Variants in FOXN3 observed in about 807,000 individuals in gnomAD.
The protein encoded by FOXN3 is forkhead box protein N3.
Under a neutral mutation model 38.4 loss-of-function variants are expected in FOXN3, and 7 were observed. The observed-to-expected ratio is 0.18, with a 90% CI of 0.10 to 0.34. The LOEUF (loss-of-function observed/expected upper bound fraction) is 0.34, where lower values mean the gene tolerates loss of function less well. FOXN3 is among the 10% of genes least tolerant of loss of function. The probability of loss-of-function intolerance (pLI) is 1.00; values close to 1 mark genes in which losing one functional copy is unlikely to be tolerated. For missense variants in FOXN3, 456 were observed against 613.4 expected (o/e 0.74, Z 2.71); for synonymous variants, 230 against 242.2 (o/e 0.95, Z 0.47).
At chr14:89,511,246 CTTTTCTTTCTTT>C (rs1399830657) in intron 1 of FOXN3, among the ~76,000 whole-genome samples, 1 of 13,976 alleles carries the variant, frequency 7.2e-5, no homozygotes, top group African/African-American at 1.3e-4. Context: ...CCTTTTCTTT[CTTTTCTTTCTTT>C]CTTTCTTTCT....
intron 3 of FOXN3, chr14:89,290,402 C>A: frequency 2.7e-6 from 1 of 368,650 alleles, no homozygotes; most frequent in South Asian, 2.4e-5. Flanking sequence ...GTACTCTCCC[C>A]ATTACCTGGA....
intron 4 of FOXN3, among the ~76,000 whole-genome samples, chr14:89,251,996 A>G (rs907284621): frequency 9.9e-5 from 15 of 152,254 alleles, no homozygotes; most frequent in African/African-American, 3.4e-4. Flanking sequence ...TTTGGCTGAA[A>G]CAGGGATAGT....
Position 89,163,013 on chromosome 14 carries a change from G to T in FOXN3, c.852-44C>A. On this transcript the variant is annotated intron_variant, in intron 5 of 5. Coordinates refer to ENST00000557258, the MANE Select transcript of FOXN3 (RefSeq NM_005197.4). The surrounding 1 kb of genome is among the most constrained non-coding windows in gnomAD (Gnocchi z 4.3). ...GGGGAGGGACGGGAGACAAAGAAGG[G>T]ACACAGTTAGACGTCCTCAGATGGG... The T allele has an allele frequency of 1.3e-6, 2 of 1,484,030 alleles. No individual in the cohort carries two copies. The highest frequency in any genetic ancestry group is 1.4e-5 in the African/African-American group (1 of 71,558). 91.9% of individuals were successfully genotyped at this position (1,484,030 alleles called of 1,614,324 possible). A position where few individuals can be genotyped will look rare whatever the true frequency, so the allele number is the denominator to read the frequency against.
chr14:89,318,911 G>A (rs991357337), intron 3 of FOXN3, among the ~76,000 whole-genome samples: 3 of 152,208 alleles, frequency 2.0e-5, no homozygotes, highest in Admixed American at 1.3e-4. Context: ...CATCAAAGAC[G>A]GGCTGGAATG....
intron 2 of FOXN3, among the ~76,000 whole-genome samples, chr14:89,378,132 T>C (rs778254499): frequency 5.9e-5 from 9 of 152,114 alleles, no homozygotes; most frequent in Non-Finnish European, 1.3e-4. Context: ...ATAGGGAAGA[T>C]TTCCAGCAAA....
chr14:89,338,872 A>AT (rs1888538057), intron 3 of FOXN3, among the ~76,000 whole-genome samples: 2 of 152,216 alleles, frequency 1.3e-5, no homozygotes, highest in South Asian at 4.1e-4. Context: ...ATTAAAAGAC[A>AT]GTGGCAATGG....
At chr14:89,451,058 A>G (rs1023143357) in intron 1 of FOXN3, among the ~76,000 whole-genome samples, 1 of 152,190 alleles carries the variant, frequency 6.6e-6, no homozygotes, top group Non-Finnish European at 1.5e-5. Flanking sequence ...TGTGGGGCAG[A>G]CCGTGAAGCC....
At chr14:89,236,118 C>T (rs184127507) in intron 4 of FOXN3, among the ~76,000 whole-genome samples, 4 of 152,182 alleles carry the variant, frequency 2.6e-5, no homozygotes, top group Non-Finnish European at 5.9e-5. Flanking sequence ...AGTCACTAGG[C>T]CCCTGGCTCT....
At chr14:89,280,216 A>C (rs1886418057) in intron 4 of FOXN3, among the ~76,000 whole-genome samples, 1 of 152,216 alleles carries the variant, frequency 6.6e-6, no homozygotes, top group South Asian at 2.1e-4. Flanking sequence ...ACCCCAAAGT[A>C]ATTTCTAAAA....
At chr14:89,333,683 C>CA (rs1400732289) in intron 3 of FOXN3, among the ~76,000 whole-genome samples, 1 of 135,588 alleles carries the variant, frequency 7.4e-6, no homozygotes, top group Non-Finnish European at 1.5e-5. Flanking sequence ...AATCGCTTGA[C>CA]AGAGGTTGCA....
rs191753782 is a variant in FOXN3, at chr14:89,553,599, C to T, written c.-15+65429G>A. 2.0e-5 allele frequency among the ~76,000 whole-genome samples: 3 copies of T among 152,256 alleles called. No homozygotes were observed. In the East Asian group the frequency reaches 5.8e-4, roughly 29 times the overall value. On this transcript the variant is annotated intron_variant, in intron 1 of 6. Coordinates refer to the FOXN3 transcript ENST00000345097. Reference sequence around the variant, plus strand: ...TGACACCCCAATTAGGATCCTCAGCCCCTTGAACAGCTATGTAATTACCCT... The same window carrying T: ...TGACACCCCAATTAGGATCCTCAGCTCCTTGAACAGCTATGTAATTACCCT...
At chr14:89,200,709 G>A (rs78265527) in intron 4 of FOXN3, among the ~76,000 whole-genome samples, 102 of 152,262 alleles carry the variant, frequency 6.7e-4, no homozygotes, top group African/African-American at 2.2e-3. Flanking sequence ...TCACATTGCC[G>A]TCACATTCCC....
At chr14:89,534,313 C>A (rs1186395088) in intron 1 of FOXN3, among the ~76,000 whole-genome samples, 1 of 151,896 alleles carries the variant, frequency 6.6e-6, no homozygotes, top group Non-Finnish European at 1.5e-5. Context: ...CCATGTTGGC[C>A]AGGCTGGTCT....
chr14:89,399,644 C>G (rs1285366166), intron 2 of FOXN3, among the ~76,000 whole-genome samples: 1 of 152,174 alleles, frequency 6.6e-6, no homozygotes, highest in Non-Finnish European at 1.5e-5. Context: ...TAATCTATTT[C>G]AACTGACAGC....
At chr14:89,205,792 C>T (rs917260150) in intron 4 of FOXN3, among the ~76,000 whole-genome samples, 1 of 152,234 alleles carries the variant, frequency 6.6e-6, no homozygotes, top group African/African-American at 2.4e-5. Context: ...AACACTCAAC[C>T]CTAGATGCTG....
chr14:89,343,658 TA>T (rs1280215231), intron 3 of FOXN3, among the ~76,000 whole-genome samples: 1 of 146,684 alleles, frequency 6.8e-6, no homozygotes, highest in Non-Finnish European at 1.5e-5. Context: ...TGCGGCTCGT[TA>T]AATTCCTCTG....
intron 1 of FOXN3, among the ~76,000 whole-genome samples, chr14:89,447,456 C>G (rs1379623856): frequency 2.0e-5 from 3 of 152,120 alleles, no homozygotes; most frequent in African/African-American, 7.2e-5. Flanking sequence ...GAGGGCTAGA[C>G]TCAAAGTTCA....
In FOXN3 at chr14:89,284,318, CG is replaced by C. The variant is rs918345348; in HGVS notation, c.681-3305del. Reference sequence around the variant, plus strand: ...AGGTACCATGCCCGGCCACCTTCCCCGTTCTATAGGGAGACAGACAGAGGTC... The same window carrying C: ...AGGTACCATGCCCGGCCACCTTCCCCTTCTATAGGGAGACAGACAGAGGTC... On this transcript the variant is annotated intron_variant, in intron 3 of 5. Coordinates refer to ENST00000557258, the MANE Select transcript of FOXN3 (RefSeq NM_005197.4). 9 of 365,478 alleles carry C rather than the reference CG, an allele frequency of 2.5e-5. 1 individual carries two copies. The highest frequency in any genetic ancestry group is 3.8e-5 in the Non-Finnish European group (7 of 183,134). 22.6% of individuals were successfully genotyped at this position (365,478 alleles called of 1,614,324 possible). A position where few individuals can be genotyped will look rare whatever the true frequency, so the allele number is the denominator to read the frequency against.
In FOXN3 at chr14:89,162,456, C is replaced by T. The variant is rs1433671424; in HGVS notation, c.1365G>A (p.Thr455=). ...CCTTTTGCTCTTTCTGCCCCTTTGC[C>T]GTCCGATTGGTGATGTTATTCAAAC... The part of the protein sequence containing the change: ...RSCLNNITNR[T]AKGQKEQKET... The change falls in exon 6 of 6, where the codon ACG becomes ACA. Residue 455 remains threonine, a synonymous_variant. Transcript: ENST00000557258. This position sits in a 1 kb window ranked among gnomAD's most constrained non-coding sequence, Gnocchi z 7.2. The T allele has an allele frequency of 4.4e-6, 7 of 1,590,126 alleles. No homozygotes were observed. Among genetic ancestry groups the T allele is most frequent in the Middle Eastern group, 3.4e-4 (2 of 5,906 alleles).
Sources: allele counts gnomAD v4.1 joint callset (sites outside exome capture counted in the v4.1 genomes callset), GRCh38; gene constraint gnomAD v4.1.1; non-coding constraint Gnocchi (gnomAD v3.1); transcripts MANE v1.5; gene names NCBI Gene and HGNC (gene_info 2026-07-23, HGNC 2026-07-21).